The following GFPT1 variants were observed in gnomAD, a reference collection of about 807,000 sequenced individuals.
GFPT1 encodes the protein glutamine--fructose-6-phosphate transaminase 1, also known as glutamine--fructose-6-phosphate aminotransferase [isomerizing] 1.
GFPT1 carries 40 observed loss-of-function variants against 92.0 expected under a neutral mutation model. The observed-to-expected ratio is 0.43, with a 90% confidence interval of 0.34 to 0.57. The LOEUF (loss-of-function observed/expected upper bound fraction) is 0.57, where lower values mean the gene tolerates loss of function less well. GFPT1 is among the 20% of genes least tolerant of loss of function. GFPT1 has a pLI of 0.02. For synonymous variants in GFPT1, 269 were observed against 280.6 expected (o/e 0.96, Z 0.41); for missense variants, 448 against 869.1 (o/e 0.52, Z 6.09).
intron 1 of GFPT1, among the ~76,000 whole-genome samples, chr2:69,382,652 GT>G (rs1406566282): frequency 2.0e-5 from 3 of 152,146 alleles, no homozygotes; most frequent in Admixed American, 1.3e-4. Context: ...TCCTTGGTCT[GT>G]TTTCCTGGCA....
intron 18 of GFPT1, 37 bp downstream of exon 18, chr2:69,328,234 T>C: frequency 6.4e-7 from 1 of 1,553,992 alleles, no homozygotes; most frequent in Admixed American, 1.7e-5. Flanking sequence ...ACTCCCCTCT[T>C]TGATCCCCAA....
intron 11 of GFPT1, among the ~76,000 whole-genome samples, chr2:69,347,527 G>A (rs935351660): frequency 6.6e-6 from 1 of 150,840 alleles, no homozygotes; most frequent in African/African-American, 2.4e-5. Context: ...GCCAAGGCTG[G>A]AGTGCAATGG....
chr2:69,329,516 T>C, intron 16 of GFPT1, 92 bp from the exon 17 acceptor site: 1 of 1,061,414 alleles, frequency 9.4e-7, no homozygotes, highest in South Asian at 1.3e-5. Context: ...AGTGTTTCTA[T>C]TCCTCTGTGC....
At chr2:69,348,138 G>T (rs779873663) in intron 11 of GFPT1, 33 bp downstream of exon 11, 2 of 1,542,312 alleles carry the variant, frequency 1.3e-6, no homozygotes, top group Non-Finnish European at 9.0e-7. Context: ...TTCCAGTAAG[G>T]ACAGCAAGCT....
At chr2:69,371,803 C>T (rs544477631) in intron 2 of GFPT1, among the ~76,000 whole-genome samples, 1 of 151,722 alleles carries the variant, frequency 6.6e-6, no homozygotes, top group African/African-American at 2.4e-5. Flanking sequence ...TGCCACTGCA[C>T]TCCAGGCTGG....
At chr2:69,338,102 T>C (rs781737189) in intron 14 of GFPT1, 47 bp from the exon 15 acceptor site, 12 of 1,569,842 alleles carry the variant, frequency 7.6e-6, no homozygotes, top group Non-Finnish European at 8.8e-7. Flanking sequence ...AGTTTTAACA[T>C]ATGCTGTTTC....
intron 12 of GFPT1, 53 bp downstream of exon 12, chr2:69,345,851 C>T: frequency 3.0e-6 from 3 of 990,866 alleles, no homozygotes; most frequent in African/African-American, 3.2e-5. Flanking sequence ...TTGTTAATGG[C>T]ACCTCCTACT....
intron 15 of GFPT1, among the ~76,000 whole-genome samples, chr2:69,333,503 A>C (rs1461083571): frequency 6.6e-6 from 1 of 152,214 alleles, no homozygotes; most frequent in Non-Finnish European, 1.5e-5. Flanking sequence ...TATACCCTAC[A>C]TTCAGAATCT....
At chr2:69,366,861 T>C (rs554099775) in intron 3 of GFPT1, among the ~76,000 whole-genome samples, 63 of 152,334 alleles carry the variant, frequency 4.1e-4, no homozygotes, top group African/African-American at 1.4e-3. Flanking sequence ...TCTACTCCCA[T>C]GGCTCCTTGC....
At position 69,369,915 on chromosome 2, in the gene GFPT1, G is replaced by C. The variant is rs1006150636; in HGVS notation, c.223+86C>G. 7.3e-6 allele frequency: 6 copies of C among 820,220 alleles called. No homozygotes were observed. The Admixed American group carries it at 1.1e-4, about 14-fold the overall frequency. The allele number at this position is 820,220 out of a possible 1,614,324, so 50.8% of individuals were successfully genotyped here. On this transcript the variant is annotated intron_variant, in intron 3 of 19. Coordinates refer to ENST00000357308, the MANE Select transcript of GFPT1 (RefSeq NM_001244710.2). ...ATCATTAAAATTGGTCCCAAAATATGGGGGGAGGGAGTAACTTAGAGGAGA... is the reference window on the plus strand; with the variant it reads ...ATCATTAAAATTGGTCCCAAAATATCGGGGGAGGGAGTAACTTAGAGGAGA...
At chr2:69,352,877 C>T (rs1414849753) in intron 9 of GFPT1, among the ~76,000 whole-genome samples, 1 of 151,530 alleles carries the variant, frequency 6.6e-6, no homozygotes, top group African/African-American at 2.4e-5. Flanking sequence ...GAAACCCCGT[C>T]TCTACTAAAA....
chr2:69,334,595 G>C (rs554695431), intron 15 of GFPT1: 1 of 152,160 alleles, frequency 6.6e-6, no homozygotes, highest in Non-Finnish European at 1.5e-5. Flanking sequence ...AAAAACTTCA[G>C]GCTAGGGTAG....
intron 1 of GFPT1, among the ~76,000 whole-genome samples, chr2:69,382,909 A>G (rs1212998787): frequency 6.6e-6 from 1 of 152,218 alleles, no homozygotes; most frequent in Admixed American, 6.5e-5. Context: ...ATGAACAAGG[A>G]CTGTGTATTT....
In GFPT1 at chr2:69,344,591, T is replaced by C. The variant is rs75696665; in HGVS notation, c.1105+1313A>G. 0.015 allele frequency among the ~76,000 whole-genome samples: 2,225 copies of C among 152,206 alleles called. 128 individuals are homozygous for C. In the East Asian group the frequency reaches 0.18, roughly 13 times the overall value. On this transcript the variant is annotated intron_variant, in intron 12 of 19. Coordinates refer to ENST00000357308, the MANE Select transcript of GFPT1 (RefSeq NM_001244710.2). ...CTCCTCATCCTAACAACAAAAAAGA[T>C]GACAGCTATCCTGTTTTATTACAGA... is the stretch of plus-strand genomic sequence containing the variant.
chr2:69,320,215 T>C lies in GFPT1; in HGVS notation c.*5974A>G, dbSNP rs1391180290. The C allele has an allele frequency of 6.6e-6, 1 of 152,222 alleles. No homozygotes were observed. The highest frequency in any genetic ancestry group is 6.5e-5 in the Admixed American group (1 of 15,288). The allele number at this position is 152,222 out of a possible 1,614,324, so 9.4% of individuals were successfully genotyped here. A position where few individuals can be genotyped will look rare whatever the true frequency, so the allele number is the denominator to read the frequency against. On this transcript the variant is annotated 3_prime_UTR_variant, in exon 20 of 20. Coordinates refer to ENST00000357308, the MANE Select transcript of GFPT1 (RefSeq NM_001244710.2). ...TGCAGACGTTTAGAGTACTGTACAA[T>C]CTTAAATTATTGTTTATCAACCTTT... is the stretch of plus-strand genomic sequence containing the variant.
At chr2:69,344,186 CAAAAAAAA>C (rs10602884) in intron 12 of GFPT1, among the ~76,000 whole-genome samples, 41 of 64,502 alleles carry the variant, frequency 6.4e-4, no homozygotes, top group African/African-American at 2.6e-3. Context: ...AAAAGCAAAG[CAAAAAAAA>C]AAAAAAAAAA....
At chr2:69,333,895 C>T (rs1670731240) in intron 15 of GFPT1, among the ~76,000 whole-genome samples, 1 of 152,186 alleles carries the variant, frequency 6.6e-6, no homozygotes, top group African/African-American at 2.4e-5. Flanking sequence ...CGGTGGCTTA[C>T]GCCTGTAATC....
At chr2:69,361,760 C>A (rs1166049608) in intron 4 of GFPT1, among the ~76,000 whole-genome samples, 2 of 152,138 alleles carry the variant, frequency 1.3e-5, no homozygotes, top group Non-Finnish European at 2.9e-5. Context: ...GGGAAGATTA[C>A]TTGAGTCCAG....
intron 19 of GFPT1, 79 bp downstream of exon 19, chr2:69,326,835 T>C: frequency 1.4e-6 from 2 of 1,382,378 alleles, no homozygotes; most frequent in Non-Finnish European, 2.1e-6. Context: ...ACACTATTGT[T>C]AAAAATTTAG....
Sources: allele counts gnomAD v4.1 joint callset (sites outside exome capture counted in the v4.1 genomes callset), GRCh38; gene constraint gnomAD v4.1.1; transcripts MANE v1.5; gene names NCBI Gene and HGNC (gene_info 2026-07-23, HGNC 2026-07-21).